IL4R: variants seen among roughly 807,000 people sequenced by gnomAD.
IL4R encodes the protein interleukin 4 receptor, also known as interleukin-4 receptor subunit alpha.
A neutral mutation model predicts 41.5 loss-of-function variants in IL4R; 17 were observed. The ratio of observed to expected loss-of-function variants is 0.41; its 90% CI spans 0.28 to 0.61. The LOEUF (loss-of-function observed/expected upper bound fraction) is 0.61. Ranked by LOEUF, IL4R falls within the 20% of genes least tolerant of loss-of-function variation. The probability of loss-of-function intolerance (pLI) is 0.31; values close to 1 mark genes in which losing one functional copy is unlikely to be tolerated. For missense variants in IL4R, 974 were observed against 1,043.1 expected (o/e 0.93, Z 0.91); for synonymous variants, 402 against 422.9 (o/e 0.95, Z 0.61).
intron 8 of IL4R, among the ~76,000 whole-genome samples, 177 bp downstream of exon 8, chr16:27,356,084 CTTTTTTT>C (rs36125482): frequency 6.2e-5 from 7 of 113,734 alleles, no homozygotes; most frequent in Admixed American, 2.8e-4. Flanking sequence ...CCACTTTTTT[CTTTTTTT>C]TTTTTTTTTT....
chr16:27,356,666 A>C (rs1297606510), intron 8 of IL4R, among the ~76,000 whole-genome samples: 7 of 152,112 alleles, frequency 4.6e-5, no homozygotes, highest in Non-Finnish European at 8.8e-5. Flanking sequence ...GTGCCTGGGC[A>C]ACTGGGGGCA....
intron 2 of IL4R, among the ~76,000 whole-genome samples, chr16:27,331,925 G>A: frequency 6.6e-6 from 1 of 151,734 alleles, no homozygotes; most frequent in East Asian, 1.9e-4. Flanking sequence ...ACATCTTCTT[G>A]GAGAATTAAC....
At chr16:27,315,144 G>T (rs1248706819) in intron 1 of IL4R, among the ~76,000 whole-genome samples, 2 of 152,128 alleles carry the variant, frequency 1.3e-5, no homozygotes, top group African/African-American at 4.8e-5. Flanking sequence ...GCACTTCCCT[G>T]CCCCCAGTAG....
chr16:27,342,604 T>G (rs2085479193), intron 4 of IL4R, among the ~76,000 whole-genome samples: 1 of 152,200 alleles, frequency 6.6e-6, no homozygotes, highest in South Asian at 2.1e-4. Flanking sequence ...TATGTTTACC[T>G]AATTAGAACT....
At chr16:27,334,072 C>CT (rs1162644338) in intron 2 of IL4R, among the ~76,000 whole-genome samples, 1 of 151,848 alleles carries the variant, frequency 6.6e-6, no homozygotes, top group Non-Finnish European at 1.5e-5. Flanking sequence ...TTAGTAGAGA[C>CT]TGAGTTTCAC....
chr16:27,315,973 T>C (rs1027036682), intron 1 of IL4R, among the ~76,000 whole-genome samples: 10 of 152,150 alleles, frequency 6.6e-5, no homozygotes, highest in Admixed American at 2.0e-4. Flanking sequence ...ATGACTGATA[T>C]GTTTAATACA....
intron 6 of IL4R, 40 bp from the exon 7 acceptor site, chr16:27,352,500 C>T (rs1440354986): frequency 1.3e-6 from 2 of 1,598,646 alleles, no homozygotes; most frequent in Non-Finnish European, 1.7e-6. Context: ...GTGCCCCTCG[C>T]CCCCGGCTGG....
rs146350515 is a variant in IL4R at position 27,362,156 on chromosome 16, C to T, written c.900-96C>T. On this transcript the variant is annotated intron_variant, in intron 10 of 10. Transcript: ENST00000395762. The stretch of plus-strand genomic sequence containing the variant: ...TAGAAGGCATGTCTGAAGTAGACAG[C>T]CATCAGGACATGGTGATTTCAGGCT... 4,292 of 1,150,612 alleles carry T rather than the reference C, an allele frequency of 3.7e-3. 18 individuals carry two copies. Among genetic ancestry groups the T allele is most frequent in the Non-Finnish European group, 4.4e-3 (3,475 of 788,448 alleles). 71.3% of individuals were successfully genotyped at this position (1,150,612 alleles called of 1,614,324 possible).
chr16:27,355,558 GAGC>G, intron 7 of IL4R: 1 of 455,792 alleles, frequency 2.2e-6, no homozygotes, highest in Non-Finnish European at 4.0e-6. Flanking sequence ...CGGAAAGAAA[GAGC>G]AGCAAGTTTA....
intron 6 of IL4R, among the ~76,000 whole-genome samples, chr16:27,350,783 G>A (rs750397640): frequency 7.9e-5 from 12 of 152,132 alleles, no homozygotes; most frequent in Non-Finnish European, 1.6e-4. Flanking sequence ...TTTCTCTCCC[G>A]ACTCCAGCCT....
At chr16:27,313,761 A>T (rs2084537011), upstream of IL4R, 4 of 248,792 alleles carry the variant, frequency 1.6e-5, no homozygotes, top group Non-Finnish European at 2.6e-5. Flanking sequence ...CCCCCAGGAG[A>T]GGACGGCGGC....
intron 3 of IL4R, among the ~76,000 whole-genome samples, chr16:27,341,723 AAG>A (rs2085448173): frequency 6.6e-6 from 1 of 152,120 alleles, no homozygotes; most frequent in African/African-American, 2.4e-5. Context: ...GGTGGAGACA[AAG>A]AGGGGCGCAG....
chr16:27,337,182 G>A (rs967471416), intron 2 of IL4R, among the ~76,000 whole-genome samples: 5 of 151,950 alleles, frequency 3.3e-5, no homozygotes, highest in Admixed American at 6.6e-5. Flanking sequence ...AGGTGGAGAG[G>A]GAGGTGGAGC....
rs796740257 is a variant in IL4R at position 27,352,656 on chromosome 16, C to T, written c.630C>T (p.Thr210=). 3.1e-6 allele frequency: 5 copies of T among 1,614,050 alleles called. No homozygotes were observed. The highest frequency in any genetic ancestry group is 2.2e-5 in the East Asian group (1 of 44,902). The change falls in exon 7 of 11, where the codon ACC becomes ACT. Residue 210 remains threonine, a synonymous_variant. Coordinates refer to ENST00000395762, the MANE Select transcript of IL4R (RefSeq NM_000418.4). The part of the protein sequence containing the change: ...RVRAWAQCYN[T]TWSEWSPSTK... ...GGGCCTGGGCTCAGTGCTATAACAC[C>T]ACCTGGAGTGAGTGGAGCCCCAGCA...
intron 9 of IL4R, 29 bp downstream of exon 9, chr16:27,359,023 G>A (rs1311845830): frequency 1.3e-6 from 2 of 1,540,622 alleles, no homozygotes; most frequent in South Asian, 1.1e-5. Context: ...GAGGACATGT[G>A]GGACTGTGTA....
At chr16:27,351,419 C>A (rs761497305) in intron 6 of IL4R, among the ~76,000 whole-genome samples, 6 of 151,972 alleles carry the variant, frequency 3.9e-5, no homozygotes, top group Admixed American at 6.6e-5. Flanking sequence ...CTCGAGAAGA[C>A]CAGATGACAC....
chr16:27,327,508 G>T (rs143116975), intron 1 of IL4R, among the ~76,000 whole-genome samples: 2 of 152,144 alleles, frequency 1.3e-5, no homozygotes, highest in Non-Finnish European at 2.9e-5. Flanking sequence ...TCCTGGCTGC[G>T]GCCTTCACTG....
chr16:27,317,858 A>G (rs1326317002), intron 1 of IL4R, among the ~76,000 whole-genome samples: 2 of 152,230 alleles, frequency 1.3e-5, no homozygotes, highest in Admixed American at 1.3e-4. Flanking sequence ...GAAGGCGCTC[A>G]GTGATTGCTG....
At chr16:27,314,923 C>T (rs2084594458) in intron 1 of IL4R, among the ~76,000 whole-genome samples, 1 of 152,124 alleles carries the variant, frequency 6.6e-6, no homozygotes, top group Non-Finnish European at 1.5e-5. Context: ...ATCCTCCCAC[C>T]TCGGCCTCCC....
Sources: allele counts gnomAD v4.1 joint callset (sites outside exome capture counted in the v4.1 genomes callset), GRCh38; gene constraint gnomAD v4.1.1; transcripts MANE v1.5; gene names NCBI Gene and HGNC (gene_info 2026-07-23, HGNC 2026-07-21).